YES1: variants seen among roughly 807,000 people sequenced by gnomAD.
The protein encoded by YES1 is tyrosine-protein kinase Yes.
Under a neutral mutation model 70.4 loss-of-function variants are expected in YES1, and 39 were observed. The observed-to-expected ratio is 0.55, with a 90% CI of 0.43 to 0.72. The LOEUF (loss-of-function observed/expected upper bound fraction) is 0.72. Among genes scored for constraint, YES1 ranks in the 30% least tolerant of loss-of-function variants. YES1 has a pLI of 0.00. For synonymous variants in YES1, 198 were observed against 218.6 expected, an observed-to-expected ratio of 0.91 and a Z score of 0.83; for missense variants, 495 against 644.8, an observed-to-expected ratio of 0.77 and a Z score of 2.52.
At chr18:804,868 C>T (rs1907011188) in intron 1 of YES1, among the ~76,000 whole-genome samples, 1 of 135,590 alleles carries the variant, frequency 7.4e-6, no homozygotes, top group African/African-American at 2.8e-5. Flanking sequence ...GAGCTGAGAT[C>T]AAGCCACTGC....
chr18:743,918 AAT>A (rs1254130295), intron 6 of YES1, among the ~76,000 whole-genome samples: 2 of 146,734 alleles, frequency 1.4e-5, no homozygotes, highest in African/African-American at 2.5e-5. Context: ...AAAAAAAAAA[AAT>A]ATATATATAT....
chr18:732,685 C>G, intron 11 of YES1, 149 bp downstream of exon 11: 1 of 1,062,426 alleles, frequency 9.4e-7, no homozygotes, highest in Non-Finnish European at 1.4e-6. Flanking sequence ...CCATCCAATG[C>G]CACAGTAAAG....
intron 3 of YES1, among the ~76,000 whole-genome samples, chr18:748,978 T>C (rs2080311078): frequency 6.6e-6 from 1 of 151,950 alleles, no homozygotes; most frequent in Non-Finnish European, 1.5e-5. Flanking sequence ...CTGGTCAACA[T>C]GGTGAAACCT....
chr18:785,048 C>T (rs573717648), intron 1 of YES1, among the ~76,000 whole-genome samples: 1 of 152,084 alleles, frequency 6.6e-6, no homozygotes, highest in Admixed American at 6.6e-5. Context: ...CCATACTAAG[C>T]AACATAACTG....
chr18:800,235 C>A (rs1451637217), intron 1 of YES1, among the ~76,000 whole-genome samples: 1 of 152,172 alleles, frequency 6.6e-6, no homozygotes, highest in Non-Finnish European at 1.5e-5. Flanking sequence ...CCATGATAGG[C>A]AGAACATGCC....
intron 1 of YES1, among the ~76,000 whole-genome samples, chr18:804,052 A>C (rs937700320): frequency 1.3e-5 from 2 of 152,242 alleles, no homozygotes; most frequent in African/African-American, 4.8e-5. Context: ...TCTATTTTAC[A>C]AACCTTAAAA....
intron 6 of YES1, among the ~76,000 whole-genome samples, chr18:744,394 C>T (rs1485003768): frequency 2.8e-5 from 4 of 143,374 alleles, no homozygotes; most frequent in East Asian, 2.0e-4. Context: ...GAGATTTTTT[C>T]TTTTTTTTTT....
chr18:751,331 C>A (rs1211412552), intron 3 of YES1, among the ~76,000 whole-genome samples: 1 of 151,620 alleles, frequency 6.6e-6, no homozygotes, highest in African/African-American at 2.4e-5. Flanking sequence ...ACTTTCTCCC[C>A]CTCCTTTTTT....
chr18:779,575 C>A (rs1400791488), intron 1 of YES1, among the ~76,000 whole-genome samples: 1 of 152,130 alleles, frequency 6.6e-6, no homozygotes, highest in Non-Finnish European at 1.5e-5. Flanking sequence ...TAATTACTTT[C>A]AGCCACCTTA....
chr18:747,794 T>C, intron 4 of YES1, 126 bp downstream of exon 4: 1 of 743,932 alleles, frequency 1.3e-6, no homozygotes, highest in Non-Finnish European at 2.1e-6. Context: ...CATCTATTAA[T>C]ATGATACATA....
chr18:771,293 G>A (rs1905145148), intron 1 of YES1, among the ~76,000 whole-genome samples: 1 of 152,118 alleles, frequency 6.6e-6, no homozygotes, highest in South Asian at 2.1e-4. Flanking sequence ...TTTGAACCTA[G>A]GAGGCGGAGG....
intron 1 of YES1, among the ~76,000 whole-genome samples, chr18:777,005 T>C (rs767704952): frequency 3.6e-4 from 55 of 152,334 alleles, no homozygotes; most frequent in Non-Finnish European, 5.4e-4. Flanking sequence ...AAAGGCCAAT[T>C]AGACATTAAC....
intron 1 of YES1, among the ~76,000 whole-genome samples, chr18:785,312 G>C (rs1005450344): frequency 6.6e-6 from 1 of 152,152 alleles, no homozygotes; most frequent in African/African-American, 2.4e-5. Context: ...TGAGTCAATG[G>C]AGTTAACTCA....
chr18:809,496 TCACCACG>T lies in YES1; in HGVS notation c.-9+2611_-9+2617del, dbSNP rs1907264147. ...TGTACTTTTTAGTAGAGATGGGGTT[TCACCACG>T]TTGGCCAGGCTGGTCTCAAACTGCT... On this transcript the variant is annotated intron_variant, in intron 1 of 11. Coordinates refer to ENST00000314574, the MANE Select transcript of YES1 (RefSeq NM_005433.4). 2.0e-5 allele frequency among the ~76,000 whole-genome samples: 3 copies of T among 152,128 alleles called. No individual in the cohort carries two copies. The South Asian group carries it at 6.2e-4, about 32-fold the overall frequency.
intron 1 of YES1, among the ~76,000 whole-genome samples, chr18:800,820 G>A (rs894209976): frequency 6.6e-6 from 1 of 152,162 alleles, no homozygotes; most frequent in Non-Finnish European, 1.5e-5. Flanking sequence ...GGCCAAGGTC[G>A]GGGAGGATCA....
intron 1 of YES1, among the ~76,000 whole-genome samples, chr18:784,612 C>G (rs4121551): frequency 0.37 from 55,883 of 152,102 alleles, 11,324 homozygotes; most frequent in African/African-American, 0.54. Context: ...GATTCAAAGA[C>G]AAAATCAGTT....
chr18:761,177 AG>A (rs1017365597), intron 1 of YES1, among the ~76,000 whole-genome samples: 5 of 151,256 alleles, frequency 3.3e-5, no homozygotes, highest in Admixed American at 6.6e-5. Flanking sequence ...AAAAACTGGG[AG>A]GGGGAAAGGT....
At chr18:757,363 C>CAA (rs1904329954) in intron 1 of YES1, among the ~76,000 whole-genome samples, 1 of 151,796 alleles carries the variant, frequency 6.6e-6, no homozygotes, top group Non-Finnish European at 1.5e-5. Flanking sequence ...ATTAGCCGGG[C>CAA]GTGGTGGTGG....
At chr18:750,419 T>G (rs2080329399) in intron 3 of YES1, among the ~76,000 whole-genome samples, 3 of 152,192 alleles carry the variant, frequency 2.0e-5, no homozygotes. Context: ...ACCTTGGACT[T>G]GATCATTCTT....
Sources: gnomAD v4.1 joint callset for allele counts (sites outside exome capture counted in the v4.1 genomes callset) on GRCh38, gnomAD v4.1.1 for gene constraint, MANE v1.5 for transcripts, NCBI Gene and HGNC (gene_info 2026-07-23, HGNC 2026-07-21) for gene names.